The following RASGRF2 variants were observed in gnomAD, a reference collection of about 807,000 sequenced individuals.
RASGRF2 encodes Ras protein specific guanine nucleotide releasing factor 2, also known as ras-specific guanine nucleotide-releasing factor 2.
A neutral mutation model predicts 151.0 loss-of-function variants in RASGRF2; 76 were observed. The ratio of observed to expected loss-of-function variants is 0.50; its 90% CI spans 0.42 to 0.61. The LOEUF is 0.61. Ranked by LOEUF, RASGRF2 falls within the 20% of genes least tolerant of loss-of-function variation. The pLI is 0.00. For missense variants in RASGRF2, 1,148 were observed against 1,564.6 expected (o/e 0.73, Z 4.49); for synonymous variants, 504 against 566.5 (o/e 0.89, Z 1.57).
At chr5:81,211,220 C>T (rs1755624432) in intron 22 of RASGRF2, among the ~76,000 whole-genome samples, 1 of 151,836 alleles carries the variant, frequency 6.6e-6, no homozygotes, top group African/African-American at 2.4e-5. Context: ...ACCAGATGCC[C>T]CATGCTGCCT....
chr5:81,031,224 A>G (rs1750233452), intron 1 of RASGRF2, among the ~76,000 whole-genome samples: 1 of 152,206 alleles, frequency 6.6e-6, no homozygotes, highest in Non-Finnish European at 1.5e-5. Flanking sequence ...CCCCAATGTC[A>G]ACATTAAACA....
chr5:81,151,453 C>A lies in RASGRF2; in HGVS notation c.2686+24290C>A, dbSNP rs140639598. Among the ~76,000 whole-genome samples the A allele has an allele frequency of 4.0e-3, 583 of 145,510 alleles. 4 individuals are homozygous for A. Among genetic ancestry groups the A allele is most frequent in the African/African-American group, 0.014 (566 of 39,196 alleles). On this transcript the variant is annotated intron_variant, in intron 17 of 26. Coordinates refer to ENST00000265080, the MANE Select transcript of RASGRF2 (RefSeq NM_006909.3). ...AGGCTGGAGTGCAGTGGTATCATTTCTTGGTGTCTAGGACTTATTTATGGC... is the reference window on the plus strand; with the variant it reads ...AGGCTGGAGTGCAGTGGTATCATTTATTGGTGTCTAGGACTTATTTATGGC...
At chr5:81,096,881 A>G (rs1752563103) in intron 12 of RASGRF2, among the ~76,000 whole-genome samples, 1 of 152,086 alleles carries the variant, frequency 6.6e-6, no homozygotes, top group Non-Finnish European at 1.5e-5. Flanking sequence ...CTTAGCAAAA[A>G]AAAATTGTAC....
chr5:81,107,653 C>A (rs1259047437), intron 12 of RASGRF2, among the ~76,000 whole-genome samples: 1 of 152,186 alleles, frequency 6.6e-6, no homozygotes, highest in Non-Finnish European at 1.5e-5. Context: ...TTATCTAAAT[C>A]ATCTCTGATT....
In RASGRF2 at chr5:81,029,008, G is replaced by A. The variant is rs181126385; in HGVS notation, c.289-13869G>A. ...AGCACACCAGGAGATTATATCCCAC[G>A]CCTGGCTCGGAGGGTCCCATGCCCA... On this transcript the variant is annotated intron_variant, in intron 1 of 26. Coordinates refer to ENST00000265080, the MANE Select transcript of RASGRF2 (RefSeq NM_006909.3). Among the ~76,000 whole-genome samples, 646 of 152,292 alleles carry A rather than the reference G, an allele frequency of 4.2e-3. 6 individuals carry two copies. The highest frequency in any genetic ancestry group is 0.013 in the African/African-American group (549 of 41,580).
At chr5:80,966,447 ATGTT>A (rs1265683475) in intron 1 of RASGRF2, among the ~76,000 whole-genome samples, 1 of 152,170 alleles carries the variant, frequency 6.6e-6, no homozygotes, top group African/African-American at 2.4e-5. Flanking sequence ...ACTGTGATAA[ATGTT>A]TGATTATTTT....
rs140244066 is a variant in RASGRF2 at position 80,973,008 on chromosome 5, C to T, written c.288+11982C>T. ...TCTCCTGCTGTGGTTTGCCTTTCTA[C>T]TCTCTTAACGGTGTCTTTAATGAAC... On this transcript the variant is annotated intron_variant, in intron 1 of 26. Coordinates refer to ENST00000265080, the MANE Select transcript of RASGRF2 (RefSeq NM_006909.3). 5.2e-3 allele frequency among the ~76,000 whole-genome samples: 791 copies of T among 152,256 alleles called. 3 individuals are homozygous for T. Among genetic ancestry groups the T allele is most frequent in the Non-Finnish European group, 8.6e-3 (584 of 68,026 alleles).
chr5:81,078,176 G>A (rs1173621775), intron 5 of RASGRF2, among the ~76,000 whole-genome samples: 2 of 152,038 alleles, frequency 1.3e-5, no homozygotes, highest in African/African-American at 2.4e-5. Flanking sequence ...TTTGATATAA[G>A]CATATGATGT....
rs1235034073 is a variant in RASGRF2, at chr5:81,141,404, G to T, written c.2686+14241G>T. Among the ~76,000 whole-genome samples the T allele has an allele frequency of 3.9e-5, 6 of 152,154 alleles. No homozygotes were observed. In the East Asian group the frequency reaches 1.2e-3, roughly 29 times the overall value. ...ATGTCATCCCCTCACTATGGAAGGG[G>T]CACAGTGGGGACCGTCTCTCTTCAT... On this transcript the variant is annotated intron_variant, in intron 17 of 26. Transcript: ENST00000265080.
At chr5:81,144,473 C>T (rs1036783583) in intron 17 of RASGRF2, among the ~76,000 whole-genome samples, 1 of 152,170 alleles carries the variant, frequency 6.6e-6, no homozygotes, top group African/African-American at 2.4e-5. Flanking sequence ...AGACATAAGG[C>T]GATAACTTGA....
chr5:81,014,181 C>T (rs1047198832), intron 1 of RASGRF2, among the ~76,000 whole-genome samples: 4 of 152,132 alleles, frequency 2.6e-5, no homozygotes, highest in Non-Finnish European at 1.5e-5. Context: ...ATGTCTTCTG[C>T]TTCCTTATGC....
chr5:81,055,877 GA>G (rs1751189547), intron 2 of RASGRF2, among the ~76,000 whole-genome samples: 1 of 152,110 alleles, frequency 6.6e-6, no homozygotes, highest in Non-Finnish European at 1.5e-5. Context: ...ATGTGTCCAG[GA>G]ATTTATCCAT....
At chr5:81,123,011 T>C (rs1753350039) in intron 15 of RASGRF2, among the ~76,000 whole-genome samples, 1 of 152,180 alleles carries the variant, frequency 6.6e-6, no homozygotes, top group Non-Finnish European at 1.5e-5. Flanking sequence ...AGAAATACTG[T>C]ATATCTGGGC....
chr5:81,061,514 T>TC (rs1396731462), intron 2 of RASGRF2, among the ~76,000 whole-genome samples: 1 of 151,446 alleles, frequency 6.6e-6, no homozygotes, highest in East Asian at 1.9e-4. Context: ...AGAAGGACTT[T>TC]TTTTTTTTTT....
intron 14 of RASGRF2, 121 bp downstream of exon 14, chr5:81,112,979 T>G: frequency 2.3e-6 from 3 of 1,281,766 alleles, no homozygotes; most frequent in Admixed American, 4.4e-5. Flanking sequence ...AGCTTGCCTC[T>G]GAATGTACCA....
chr5:81,055,034 G>A (rs560378023), intron 2 of RASGRF2, among the ~76,000 whole-genome samples: 100 of 152,300 alleles, frequency 6.6e-4, no homozygotes, highest in African/African-American at 2.2e-3. Context: ...GGGCTGAGAC[G>A]ATGGGGTTTT....
intron 17 of RASGRF2, among the ~76,000 whole-genome samples, chr5:81,134,249 A>G (rs1753700477): frequency 1.3e-5 from 2 of 152,170 alleles, no homozygotes; most frequent in Admixed American, 1.3e-4. Flanking sequence ...CAGTTGTGTA[A>G]TCTTAACCCA....
chr5:80,960,915 C>A lies in RASGRF2; in HGVS notation c.177C>A (p.Ser59Arg). ...TCTTCTACTTCGAGGGCGAGCAGAG[C>A]TGCCGCCCGGCGGGCATGTACCTCC... ...NVLFYFEGEQ[S>R]CRPAGMYLLE... Residue 59 changes from serine to arginine, a missense_variant, in exon 1 of 27, where the codon AGC becomes AGA. Physicochemically the swap from Ser to Arg is moderately radical, Grantham distance 110 (BLOSUM62 -1). Transcript: ENST00000265080. The surrounding 1 kb of genome is among the most constrained non-coding windows in gnomAD (Gnocchi z 5.5). 6.2e-7 allele frequency: 1 copy of A among 1,603,008 alleles called. No individual in the cohort carries two copies. The highest frequency in any genetic ancestry group is 8.5e-7 in the Non-Finnish European group (1 of 1,172,320).
At chr5:81,215,836 T>C (rs367909805) in intron 23 of RASGRF2, 40 bp from the exon 24 acceptor site, 10 of 1,483,542 alleles carry the variant, frequency 6.7e-6, no homozygotes, top group Non-Finnish European at 8.9e-6. Context: ...TTTTAAACCA[T>C]AGTATTTTCA....
Sources: allele counts gnomAD v4.1 joint callset (sites outside exome capture counted in the v4.1 genomes callset), GRCh38; gene constraint gnomAD v4.1.1; non-coding constraint Gnocchi (gnomAD v3.1); transcripts MANE v1.5; gene names NCBI Gene and HGNC (gene_info 2026-07-23, HGNC 2026-07-21).